LPAR6: variants seen among roughly 807,000 people sequenced by gnomAD.
LPAR6 encodes lysophosphatidic acid receptor 6, also known as G-protein coupled purinergic receptor P2Y5.
LPAR6 carries 17 observed loss-of-function variants against 22.0 expected under a neutral mutation model. The ratio of observed to expected loss-of-function variants is 0.77; its 90% CI spans 0.53 to 1.16. The LOEUF is 1.16. LPAR6 is among the 50% of genes most tolerant of loss of function. The probability of loss-of-function intolerance (pLI) is 0.00; values close to 1 mark genes in which losing one functional copy is unlikely to be tolerated. For missense variants in LPAR6, 384 were observed against 406.9 expected (o/e 0.94, Z 0.48); for synonymous variants, 136 against 139.8 (o/e 0.97, Z 0.19).
intron 1 of LPAR6, among the ~76,000 whole-genome samples, chr13:48,395,848 CA>C (rs1321543414): frequency 6.6e-6 from 1 of 152,118 alleles, no homozygotes; most frequent in Non-Finnish European, 1.5e-5. Context: ...CCCAACAAAA[CA>C]GGCCAACATT....
chr13:48,443,403 A>G (rs1949257123), intron 1 of LPAR6, among the ~76,000 whole-genome samples: 1 of 152,068 alleles, frequency 6.6e-6, no homozygotes, highest in Non-Finnish European at 1.5e-5. Context: ...TAGTTTTAAT[A>G]TCTATAAACT....
At chr13:48,399,740 A>G (rs1948676126) in intron 1 of LPAR6, among the ~76,000 whole-genome samples, 1 of 151,986 alleles carries the variant, frequency 6.6e-6, no homozygotes, top group Non-Finnish European at 1.5e-5. Context: ...AGATCTGTTT[A>G]TGATTTTAAA....
chr13:48,443,116 C>A (rs1214142584), intron 1 of LPAR6, among the ~76,000 whole-genome samples: 1 of 151,748 alleles, frequency 6.6e-6, no homozygotes, highest in Non-Finnish European at 1.5e-5. Context: ...ATTGATATAA[C>A]ATTACTATTC....
At chr13:48,442,305 A>G (rs778256438) in intron 1 of LPAR6, among the ~76,000 whole-genome samples, 1 of 151,810 alleles carries the variant, frequency 6.6e-6, no homozygotes, top group African/African-American at 2.4e-5. Flanking sequence ...GGTTCACGCC[A>G]TTCTCCTTCC....
chr13:48,427,229 C>A (rs1489454040), upstream of LPAR6, among the ~76,000 whole-genome samples: 1 of 94,424 alleles, frequency 1.1e-5, no homozygotes, highest in Non-Finnish European at 2.2e-5. Context: ...TCATCTTCTA[C>A]CAAACCTCAC....
At chr13:48,418,158 G>T (rs1948945786) in intron 2 of LPAR6, among the ~76,000 whole-genome samples, 1 of 152,184 alleles carries the variant, frequency 6.6e-6, no homozygotes, top group Admixed American at 6.5e-5. Context: ...ACAAAGGGAA[G>T]CCCATCAGAC....
chr13:48,395,400 G>A (rs1948640122), intron 1 of LPAR6, among the ~76,000 whole-genome samples: 1 of 152,062 alleles, frequency 6.6e-6, no homozygotes, highest in East Asian at 1.9e-4. Context: ...ACAGAAGTAG[G>A]CTTCAGAAGG....
chr13:48,430,770 A>AACAAAC (rs1566223583), upstream of LPAR6, among the ~76,000 whole-genome samples: 1 of 150,428 alleles, frequency 6.6e-6, no homozygotes. Context: ...ACAAACAAAA[A>AACAAAC]AAAAAAACAG....
downstream of LPAR6, chr13:48,408,605 C>T (rs1948760327): frequency 6.6e-6 from 1 of 151,934 alleles, no homozygotes; most frequent in Admixed American, 6.6e-5. Flanking sequence ...AGAGAAAACC[C>T]TCAGAATATA....
At position 48,411,586 on chromosome 13, in the gene LPAR6, C is replaced by G. The variant is rs1161123556; in HGVS notation, c.838G>C (p.Ala280Pro). 1 of 1,613,150 alleles carries G rather than the reference C, an allele frequency of 6.2e-7. No homozygotes were observed. The highest frequency in any genetic ancestry group is 1.1e-5 in the South Asian group (1 of 91,056). The change falls in exon 1 of 1, where the codon GCT becomes CCT. Residue 280 changes from alanine (A) to proline (P), a missense_variant. Transcript: ENST00000620633. The part of the protein sequence containing the change: ...RTMYPITLCI[A>P]VSNCCFDPIV... ...GGGTCAAAACAACAGTTGGAAACAG[C>G]AATACAGAGAGTGATTGGGTACATT... is the stretch of plus-strand genomic sequence containing the variant.
chr13:48,430,393 C>T (rs1036304052), upstream of LPAR6, among the ~76,000 whole-genome samples: 1 of 152,026 alleles, frequency 6.6e-6, no homozygotes, highest in African/African-American at 2.4e-5. Flanking sequence ...AAAAATGACT[C>T]CATTTAAAAA....
upstream of LPAR6, among the ~76,000 whole-genome samples, chr13:48,431,248 A>G (rs115575533): frequency 1.0e-2 from 1,520 of 152,256 alleles, 36 homozygotes; most frequent in African/African-American, 0.035. Context: ...CAAATTTAAT[A>G]TTTGTATTTT....
At chr13:48,441,715 A>C (rs934303140) in intron 1 of LPAR6, among the ~76,000 whole-genome samples, 4 of 152,222 alleles carry the variant, frequency 2.6e-5, no homozygotes, top group African/African-American at 9.7e-5. Context: ...AGCACTAGGA[A>C]TAGGTTAAAC....
chr13:48,412,120 C>T lies in LPAR6; in HGVS notation c.304G>A (p.Gly102Arg), dbSNP rs1466129346. ...ATACAGGTTAAGAACAGAATGCTTC[C>T]GTACATGTTGGTATAAAACAGCATC... ...SVMLFYTNMY[G>R]SILFLTCISV... Residue 102 changes from glycine to arginine, a missense_variant, in exon 1 of 1, where the codon GGA (glycine) becomes AGA (arginine). Transcript: ENST00000620633. The T allele has an allele frequency of 5.0e-6, 8 of 1,613,492 alleles. 1 individual carries two copies. The highest frequency in any genetic ancestry group is 1.3e-5 in the African/African-American group (1 of 74,996).
intron 1 of LPAR6, among the ~76,000 whole-genome samples, chr13:48,438,928 T>C (rs1455763265): frequency 6.6e-6 from 1 of 150,756 alleles, no homozygotes; most frequent in Non-Finnish European, 1.5e-5. Flanking sequence ...CTACTATGAA[T>C]GTGCTATTTC....
upstream of LPAR6, among the ~76,000 whole-genome samples, chr13:48,416,750 G>A (rs1481540339): frequency 6.6e-6 from 1 of 152,210 alleles, no homozygotes; most frequent in African/African-American, 2.4e-5. Context: ...CTTGGTGGGA[G>A]GAGGGGCTTC....
chr13:48,417,514 C>G (rs1347624286), upstream of LPAR6, among the ~76,000 whole-genome samples: 2 of 152,118 alleles, frequency 1.3e-5, no homozygotes, highest in African/African-American at 4.8e-5. Context: ...ACCAGAATGC[C>G]TTTTCTCTTC....
At position 48,412,260 on chromosome 13, in the gene LPAR6, T is replaced by TA. The variant is rs755103297; in HGVS notation, c.163dup (p.Tyr55LeufsTer4). On this transcript the variant is annotated frameshift_variant, in exon 1 of 1. Transcript: ENST00000620633. LOFTEE classifies it high-confidence loss of function. ...GTCTGACATTGCCAAGTTAATCATG[T>TA]AAGTTGTAGTTTCATTTCGGACTTT... 6 of 1,614,014 alleles carry TA rather than the reference T, an allele frequency of 3.7e-6. No individual in the cohort carries two copies. In the African/African-American group the frequency reaches 8.0e-5, roughly 22 times the overall value.
At chr13:48,432,627 A>C (rs1043447102) in intron 1 of LPAR6, among the ~76,000 whole-genome samples, 2 of 152,092 alleles carry the variant, frequency 1.3e-5, no homozygotes, top group African/African-American at 2.4e-5. Context: ...ACCTCAAGAG[A>C]CTGAACTTTC....
Sources: gnomAD v4.1 joint callset for allele counts (sites outside exome capture counted in the v4.1 genomes callset) on GRCh38, gnomAD v4.1.1 for gene constraint, MANE v1.5 for transcripts, NCBI Gene and HGNC (gene_info 2026-07-23, HGNC 2026-07-21) for gene names.